AIG1: variants seen among roughly 807,000 people sequenced by gnomAD.
AIG1 encodes the protein androgen-induced gene 1 protein.
Under a neutral mutation model 31.4 loss-of-function variants are expected in AIG1, and 23 were observed. The observed-to-expected ratio is 0.73, with a 90% CI of 0.53 to 1.04. The LOEUF (loss-of-function observed/expected upper bound fraction) is 1.04, where lower values mean the gene tolerates loss of function less well. AIG1 is among the 50% of genes least tolerant of loss of function. The pLI, the probability that AIG1 is intolerant of heterozygous loss-of-function variation, is 0.00. For synonymous variants in AIG1, 100 were observed against 110.5 expected, an observed-to-expected ratio of 0.90 and a Z score of 0.60; for missense variants, 274 against 295.0, an observed-to-expected ratio of 0.93 and a Z score of 0.52.
In AIG1 at chr6:143,068,728, A is replaced by G. The variant is rs1008638845; in HGVS notation, c.141+7662A>G. ...AATTTTCCTTGCATCTTAGCATTTTAGTGCTTCAGGATGGTATTTATTTTG... is the reference window on the plus strand; with the variant it reads ...AATTTTCCTTGCATCTTAGCATTTTGGTGCTTCAGGATGGTATTTATTTTG... On this transcript the variant is annotated intron_variant, in intron 1 of 5. Transcript: ENST00000357847. 4.6e-5 allele frequency among the ~76,000 whole-genome samples: 7 copies of G among 151,920 alleles called. No individual in the cohort carries two copies. The Admixed American group carries it at 4.6e-4, about 10-fold the overall frequency.
intron 1 of AIG1, among the ~76,000 whole-genome samples, chr6:143,114,923 A>G (rs1781612912): frequency 6.6e-6 from 1 of 152,246 alleles, no homozygotes; most frequent in African/African-American, 2.4e-5. Context: ...GAGAGGGGTG[A>G]CTAAAGTGCC....
chr6:143,166,118 G>C lies in AIG1; in HGVS notation c.399+935G>C, dbSNP rs146923550. Among the ~76,000 whole-genome samples, 9 of 152,248 alleles carry C rather than the reference G, an allele frequency of 5.9e-5. No homozygotes were observed. The East Asian group carries it at 1.7e-3, about 29-fold the overall frequency. ...TTTGGTATATTTGAAGAAAAGTGGT[G>C]TGTCTAACAAACAAACATCACTGTA... is the stretch of plus-strand genomic sequence containing the variant. On this transcript the variant is annotated intron_variant, in intron 3 of 5. Coordinates refer to ENST00000357847, the MANE Select transcript of AIG1 (RefSeq NM_016108.4).
intron 2 of AIG1, among the ~76,000 whole-genome samples, chr6:143,157,695 T>C (rs1246027752): frequency 6.6e-6 from 1 of 152,144 alleles, no homozygotes; most frequent in African/African-American, 2.4e-5. Flanking sequence ...ATTTATTTCA[T>C]AAGTTCATTC....
At chr6:143,341,786 A>T (rs981275257), downstream of AIG1, among the ~76,000 whole-genome samples, 12 of 152,234 alleles carry the variant, frequency 7.9e-5, no homozygotes, top group Non-Finnish European at 1.6e-4. Flanking sequence ...ACTGTGTACA[A>T]ACGATGGATG....
At chr6:143,171,244 T>G (rs1787486726) in intron 3 of AIG1, among the ~76,000 whole-genome samples, 1 of 150,930 alleles carries the variant, frequency 6.6e-6, no homozygotes, top group Admixed American at 6.7e-5. Context: ...CTTATGCCTT[T>G]GCATCCTCAT....
chr6:143,302,465 A>G (rs971136802), intron 4 of AIG1, among the ~76,000 whole-genome samples: 2 of 151,816 alleles, frequency 1.3e-5, no homozygotes, highest in African/African-American at 4.8e-5. Flanking sequence ...ATGAGTGAGA[A>G]TATGCGGTGT....
intron 1 of AIG1, among the ~76,000 whole-genome samples, chr6:143,070,035 G>A (rs1177487229): frequency 2.0e-5 from 3 of 152,170 alleles, no homozygotes; most frequent in Non-Finnish European, 4.4e-5. Flanking sequence ...CTCCACTGAT[G>A]TGTGTGTCCC....
chr6:143,191,536 T>C (rs1358400080), intron 3 of AIG1, among the ~76,000 whole-genome samples: 1 of 152,182 alleles, frequency 6.6e-6, no homozygotes, highest in Non-Finnish European at 1.5e-5. Flanking sequence ...TACTTTTCCA[T>C]GAATCCTATA....
At chr6:143,139,474 A>C (rs1412814987) in intron 2 of AIG1, among the ~76,000 whole-genome samples, 4 of 152,176 alleles carry the variant, frequency 2.6e-5, no homozygotes, top group Non-Finnish European at 5.9e-5. Flanking sequence ...AAATCAAAGA[A>C]TAGATAAGGA....
intron 5 of AIG1, chr6:143,335,132 C>A: frequency 7.1e-7 from 1 of 1,410,606 alleles, no homozygotes. Context: ...AAGTATCATC[C>A]TCATTTACAA....
Position 143,214,816 on chromosome 6 carries a change from G to A in AIG1, c.399+49633G>A, listed in dbSNP as rs576576112. 1.3e-5 allele frequency among the ~76,000 whole-genome samples: 2 copies of A among 152,174 alleles called. 1 individual carries two copies. Among genetic ancestry groups the A allele is most frequent in the South Asian group, 4.2e-4 (2 of 4,816 alleles). ...CCTGTTCTCTCCCTTTCCCCTCCAT[G>A]TCTTGGCACCTGCTGCTCCCTCATA... On this transcript the variant is annotated intron_variant, in intron 3 of 5. Transcript: ENST00000357847.
intron 2 of AIG1, 81 bp downstream of exon 2, chr6:143,137,071 C>T: frequency 7.7e-7 from 1 of 1,291,800 alleles, no homozygotes; most frequent in Non-Finnish European, 1.0e-6. Flanking sequence ...AAAAAGAGTT[C>T]ATTATAAGAG....
In AIG1 at chr6:143,284,046, GA is replaced by G; in HGVS notation, c.400-58del. Reference sequence around the variant, plus strand: ...TTATAGTGTGCATTCTCCTACTGGTGAAAAAACAACTATAGAGAGACAATGA... The same window carrying G: ...TTATAGTGTGCATTCTCCTACTGGTGAAAAACAACTATAGAGAGACAATGA... On this transcript the variant is annotated intron_variant, in intron 3 of 5. Transcript: ENST00000357847. The surrounding 1 kb of genome is among the most constrained non-coding windows in gnomAD (Gnocchi z 4.4). 6.2e-6 allele frequency: 8 copies of G among 1,286,478 alleles called. No individual in the cohort carries two copies. Among genetic ancestry groups the G allele is most frequent in the South Asian group, 1.3e-5 (1 of 78,766 alleles). 79.7% of individuals were successfully genotyped at this position (1,286,478 alleles called of 1,614,324 possible). A position where few individuals can be genotyped will look rare whatever the true frequency, so the allele number is the denominator to read the frequency against.
At chr6:143,066,946 G>GT (rs1776768285) in intron 1 of AIG1, among the ~76,000 whole-genome samples, 4 of 152,164 alleles carry the variant, frequency 2.6e-5, no homozygotes, top group Admixed American at 2.6e-4. Flanking sequence ...ATGGTAGGAG[G>GT]CTTGCTTAAA....
intron 1 of AIG1, among the ~76,000 whole-genome samples, chr6:143,125,901 G>A (rs1782647861): frequency 6.6e-6 from 1 of 152,116 alleles, no homozygotes; most frequent in Non-Finnish European, 1.5e-5. Flanking sequence ...GTGACTTATG[G>A]CCTGTTTCAT....
chr6:143,129,709 T>A (rs1405714548), intron 1 of AIG1, among the ~76,000 whole-genome samples: 2 of 152,174 alleles, frequency 1.3e-5, no homozygotes, highest in Non-Finnish European at 2.9e-5. Flanking sequence ...TTCTTTTCTT[T>A]TAAGTCTTTA....
intron 3 of AIG1, among the ~76,000 whole-genome samples, chr6:143,282,226 C>T (rs1797385006): frequency 6.6e-6 from 1 of 152,150 alleles, no homozygotes; most frequent in Non-Finnish European, 1.5e-5. Context: ...TTATTAATAT[C>T]AGTGATCCAA....
chr6:143,186,369 T>C (rs2128591230), intron 3 of AIG1, among the ~76,000 whole-genome samples: 1 of 152,372 alleles, frequency 6.6e-6, no homozygotes, highest in East Asian at 1.9e-4. Flanking sequence ...GGAACTGAGC[T>C]TACAGCTAAT....
intron 4 of AIG1, among the ~76,000 whole-genome samples, chr6:143,308,241 A>G (rs892878127): frequency 6.6e-6 from 1 of 152,340 alleles, no homozygotes; most frequent in South Asian, 2.1e-4. Flanking sequence ...CTGGCACTCC[A>G]TAGTGAGATG....
Sources: allele counts gnomAD v4.1 joint callset (sites outside exome capture counted in the v4.1 genomes callset), GRCh38; gene constraint gnomAD v4.1.1; non-coding constraint Gnocchi (gnomAD v3.1); transcripts MANE v1.5; gene names NCBI Gene and HGNC (gene_info 2026-07-23, HGNC 2026-07-21).